Variants in APLP2 observed in about 807,000 individuals in gnomAD.
APLP2 encodes amyloid beta precursor like protein 2.
Under a neutral mutation model 89.9 loss-of-function variants are expected in APLP2, and 53 were observed. The ratio of observed to expected loss-of-function variants is 0.59; its 90% CI spans 0.47 to 0.74. The LOEUF (loss-of-function observed/expected upper bound fraction) is 0.74, where lower values mean the gene tolerates loss of function less well. Among genes scored for constraint, APLP2 ranks in the 30% least tolerant of loss-of-function variants. The pLI is 0.00. For synonymous variants in APLP2, 372 were observed against 348.6 expected, an observed-to-expected ratio of 1.07 and a Z score of -0.75; for missense variants, 973 against 975.9, an observed-to-expected ratio of 1.00 and a Z score of 0.04.
intron 1 of APLP2, among the ~76,000 whole-genome samples, chr11:130,090,766 A>G (rs1294555427): frequency 1.3e-5 from 2 of 152,212 alleles, no homozygotes; most frequent in African/African-American, 2.4e-5. Context: ...CCCGCTCTCA[A>G]TGAGCCGTTG....
intron 12 of APLP2, 49 bp downstream of exon 12, chr11:130,133,777 G>T (rs377624718): frequency 8.5e-6 from 12 of 1,411,428 alleles, no homozygotes; most frequent in African/African-American, 4.2e-5. Context: ...TCTTGCAGAG[G>T]CTCAGGAGTG....
chr11:130,093,848 A>G (rs979425063), intron 1 of APLP2, among the ~76,000 whole-genome samples: 1 of 123,592 alleles, frequency 8.1e-6, no homozygotes, highest in African/African-American at 3.8e-5. Flanking sequence ...GGTTCAAGCT[A>G]TGCTCCTGCC....
In APLP2 at chr11:130,110,628, A is replaced by G; in HGVS notation, c.370A>G (p.Lys124Glu). 1.2e-6 allele frequency: 2 copies of G among 1,613,898 alleles called. No individual in the cohort carries two copies. Among genetic ancestry groups the G allele is most frequent in the Non-Finnish European group, 1.7e-6 (2 of 1,179,962 alleles). ...NWCRRDKKQC[K>E]SRFVTPFKCL... ...GTGCCGGAGGGACAAAAAGCAATGC[A>G]AGAGTCGCTTTGTTACACCTTTCAA... The change falls in exon 3 of 17, where the codon AAG (lysine) becomes GAG (glutamate). Residue 124 changes from lysine (K) to glutamate (E), a missense_variant. Physicochemically the swap from Lys to Glu is moderately conservative, Grantham distance 56. Transcript: ENST00000338167.
At chr11:130,095,076 G>A (rs1946011137) in intron 1 of APLP2, among the ~76,000 whole-genome samples, 1 of 149,974 alleles carries the variant, frequency 6.7e-6, no homozygotes, top group African/African-American at 2.5e-5. Flanking sequence ...TGCCTAGAAA[G>A]GAATTGTAAT....
rs545562474 is a variant in APLP2 at position 130,115,373 on chromosome 11, A to G, written c.403+4712A>G. Among the ~76,000 whole-genome samples, 19 of 152,318 alleles carry G rather than the reference A, an allele frequency of 1.2e-4. No homozygotes were observed. In the South Asian group the frequency reaches 2.3e-3, roughly 18 times the overall value. On this transcript the variant is annotated intron_variant, in intron 3 of 16. Transcript: ENST00000338167. ...GTGTTGGAGGCTTCCTCAAGTAGGTAAACAACCTTTGTTATTTATTCTGAA... is the reference window on the plus strand; with the variant it reads ...GTGTTGGAGGCTTCCTCAAGTAGGTGAACAACCTTTGTTATTTATTCTGAA...
intron 13 of APLP2, among the ~76,000 whole-genome samples, chr11:130,136,815 G>T (rs1413790474): frequency 1.3e-5 from 2 of 152,204 alleles, no homozygotes; most frequent in African/African-American, 4.8e-5. Flanking sequence ...CCAAATCTCT[G>T]TGGGTTTGTC....
At chr11:130,132,904 G>T (rs1951087561) in intron 11 of APLP2, among the ~76,000 whole-genome samples, 1 of 151,498 alleles carries the variant, frequency 6.6e-6, no homozygotes, top group African/African-American at 2.4e-5. Flanking sequence ...AATCTGACCA[G>T]TGGTAGAAAT....
chr11:130,123,706 A>G lies in APLP2; in HGVS notation c.1017A>G (p.Ile339Met), dbSNP rs1368725304. The change falls in exon 7 of 17, where the codon ATA (isoleucine) becomes ATG (methionine). Residue 339 changes from isoleucine (I) to methionine (M), a missense_variant. Ile to Met is a conservative substitution (Grantham distance 10). Coordinates refer to ENST00000338167, the MANE Select transcript of APLP2 (RefSeq NM_001142276.2). The surrounding 1 kb of genome is among the most constrained non-coding windows in gnomAD (Gnocchi z 4.0). ...CCAAGGGAAAGTGCGTGCGCTTTATATATGGTGGCTGCGGCGGCAACAGGA... is the reference window on the plus strand; with the variant it reads ...CCAAGGGAAAGTGCGTGCGCTTTATGTATGGTGGCTGCGGCGGCAACAGGA... ...DLSKGKCVRF[I>M]YGGCGGNRNN... 3 of 1,614,152 alleles carry G rather than the reference A, an allele frequency of 1.9e-6. No homozygotes were observed. The highest frequency in any genetic ancestry group is 2.5e-6 in the Non-Finnish European group (3 of 1,180,066).
rs775307259 is a variant in APLP2 at position 130,135,626 on chromosome 11, C to G, written c.1748C>G (p.Pro583Arg). The change falls in exon 13 of 17, where the codon CCT becomes CGT. Residue 583 changes from proline to arginine, a missense_variant. Pro to Arg is a moderately radical substitution (Grantham distance 103). Transcript: ENST00000338167. ...TTCACTGCCTCAATCTCAGAGACCC[C>G]TGTGGACGTCCGGGTGAGCTCTGAG... ...DQFTASISETPVDVRVSSEES... is the reference protein window; with the variant it reads ...DQFTASISETRVDVRVSSEES... 4.3e-6 allele frequency: 7 copies of G among 1,614,078 alleles called. No homozygotes were observed. The East Asian group carries it at 1.1e-4, about 26-fold the overall frequency.
chr11:130,138,464 T>G (rs1218043361), intron 13 of APLP2, among the ~76,000 whole-genome samples: 1 of 152,160 alleles, frequency 6.6e-6, no homozygotes, highest in Non-Finnish European at 1.5e-5. Context: ...TACTGAACTG[T>G]TATGAGTTGG....
At chr11:130,110,149 A>G (rs972984638) in intron 2 of APLP2, among the ~76,000 whole-genome samples, 2 of 152,234 alleles carry the variant, frequency 1.3e-5, no homozygotes, top group African/African-American at 2.4e-5. Context: ...ATGAGCAGAC[A>G]GGGCCAGGGT....
At chr11:130,089,332 G>A (rs1248780111) in intron 1 of APLP2, among the ~76,000 whole-genome samples, 1 of 152,072 alleles carries the variant, frequency 6.6e-6, no homozygotes, top group African/African-American at 2.4e-5. Flanking sequence ...TCATGCACAC[G>A]CTGGAAGGGA....
In APLP2 at chr11:130,141,457, C is replaced by A. The variant is rs752918523; in HGVS notation, c.1924-41C>A. The A allele has an allele frequency of 2.6e-6, 4 of 1,535,926 alleles. No individual in the cohort carries two copies. Among genetic ancestry groups the A allele is most frequent in the Non-Finnish European group, 3.6e-6 (4 of 1,109,256 alleles). On this transcript the variant is annotated intron_variant, in intron 14 of 16. Coordinates refer to ENST00000338167, the MANE Select transcript of APLP2 (RefSeq NM_001142276.2). The surrounding 1 kb of genome is among the most constrained non-coding windows in gnomAD (Gnocchi z 4.2). ...GGCAGTAAATACCAAACTCCCCGTT[C>A]ACCCAGTTGCTTGCTGCCGACATTC...
intron 1 of APLP2, among the ~76,000 whole-genome samples, chr11:130,094,468 C>T (rs535513401): frequency 5.5e-4 from 83 of 152,224 alleles, no homozygotes; most frequent in Middle Eastern, 3.4e-3. Flanking sequence ...GGATTACAGA[C>T]GTGAGCCACC....
intron 3 of APLP2, among the ~76,000 whole-genome samples, chr11:130,113,923 A>T (rs140265058): frequency 6.6e-6 from 1 of 152,130 alleles, no homozygotes; most frequent in Non-Finnish European, 1.5e-5. Context: ...AAAAAATCTT[A>T]TTCTCCCTTC....
At chr11:130,117,198 A>G (rs1047856639) in intron 3 of APLP2, among the ~76,000 whole-genome samples, 1 of 152,128 alleles carries the variant, frequency 6.6e-6, no homozygotes, top group Non-Finnish European at 1.5e-5. Flanking sequence ...TTTGATTTTT[A>G]GAGATCGAAC....
rs1949928785 is a variant in APLP2, at chr11:130,122,397, AG to A, written c.808del (p.Asp270ThrfsTer46). ...EDEEEGEEVV[E>X]DRDYYYDTFK... ...GAGGAAGAAGGGGAGGAAGTGGTGG[AG>A]GACCGAGATTACTACTATGACACCT... is the stretch of plus-strand genomic sequence containing the variant. On this transcript the variant is annotated frameshift_variant, in exon 6 of 17. Coordinates refer to ENST00000338167, the MANE Select transcript of APLP2 (RefSeq NM_001142276.2). LOFTEE classifies it high-confidence loss of function. 6.2e-7 allele frequency: 1 copy of A among 1,614,092 alleles called. No individual in the cohort carries two copies. Among genetic ancestry groups the A allele is most frequent in the Non-Finnish European group, 8.5e-7 (1 of 1,180,052 alleles).
intron 1 of APLP2, among the ~76,000 whole-genome samples, chr11:130,106,919 C>A (rs1441669123): frequency 6.6e-6 from 1 of 152,104 alleles, no homozygotes; most frequent in Non-Finnish European, 1.5e-5. Context: ...GAACTCTCGA[C>A]CTCGTGATCT....
intron 1 of APLP2, among the ~76,000 whole-genome samples, chr11:130,099,457 A>T (rs894367970): frequency 6.6e-6 from 1 of 152,220 alleles, no homozygotes; most frequent in African/African-American, 2.4e-5. Flanking sequence ...CATCAGGAAA[A>T]CCAGTTTAGA....
Sources: gnomAD v4.1 joint callset for allele counts (sites outside exome capture counted in the v4.1 genomes callset) on GRCh38, gnomAD v4.1.1 for gene constraint, Gnocchi (gnomAD v3.1) non-coding constraint, MANE v1.5 for transcripts, NCBI Gene and HGNC (gene_info 2026-07-23, HGNC 2026-07-21) for gene names.